The following PTPRE variants were observed in gnomAD, a reference collection of about 807,000 sequenced individuals.
The protein encoded by PTPRE is receptor-type tyrosine-protein phosphatase epsilon.
Under a neutral mutation model 102.0 loss-of-function variants are expected in PTPRE, and 51 were observed. The ratio of observed to expected loss-of-function variants is 0.50; its 90% CI spans 0.40 to 0.63. The LOEUF is 0.63. Among genes scored for constraint, PTPRE ranks in the 30% least tolerant of loss-of-function variants. The probability of loss-of-function intolerance (pLI) is 0.00; values close to 1 mark genes in which losing one functional copy is unlikely to be tolerated. For missense variants in PTPRE, 752 were observed against 915.1 expected, an observed-to-expected ratio of 0.82 and a Z score of 2.30; for synonymous variants, 345 against 348.2, an observed-to-expected ratio of 0.99 and a Z score of 0.10.
In PTPRE at chr10:127,982,315, A is replaced by T; in HGVS notation, c.-8+19A>T. The T allele has an allele frequency of 8.2e-7, 1 of 1,218,328 alleles. No homozygotes were observed. Among genetic ancestry groups the T allele is most frequent in the South Asian group, 1.3e-5 (1 of 76,002 alleles). 75.5% of individuals were successfully genotyped at this position (1,218,328 alleles called of 1,614,324 possible). A position where few individuals can be genotyped will look rare whatever the true frequency, so the allele number is the denominator to read the frequency against. ...TCCCTCGGTGAGTACAAAACTTTTT[A>T]AAAATTATTTTTGATGTACAGATAA... On this transcript the variant is annotated intron_variant, in intron 2 of 20. Coordinates refer to ENST00000254667, the MANE Select transcript of PTPRE (RefSeq NM_006504.6).
intron 6 of PTPRE, among the ~76,000 whole-genome samples, chr10:128,053,920 C>G (rs1848746864): frequency 6.6e-6 from 1 of 152,038 alleles, no homozygotes; most frequent in African/African-American, 2.4e-5. Context: ...ACCACCATGC[C>G]CAGCTAATTT....
rs192594626 is a variant in PTPRE, at chr10:128,080,267, G to A, written c.2028+572G>A. Among the ~76,000 whole-genome samples the A allele has an allele frequency of 6.7e-4, 102 of 151,850 alleles. 1 individual carries two copies. In the Middle Eastern group the frequency reaches 0.01, roughly 15 times the overall value. On this transcript the variant is annotated intron_variant, in intron 20 of 20. Coordinates refer to ENST00000254667, the MANE Select transcript of PTPRE (RefSeq NM_006504.6). ...TCCTCCTCACCAAATACTATGGCTC[G>A]TGCTGCTAACCCAGCGAGTACAATT...
At chr10:127,986,318 C>T (rs766577613) in intron 2 of PTPRE, among the ~76,000 whole-genome samples, 9 of 152,104 alleles carry the variant, frequency 5.9e-5, no homozygotes, top group South Asian at 2.1e-4. Context: ...GTGGGTCTCT[C>T]GCATAGTATT....
Position 128,005,492 on chromosome 10 carries a change from A to T in PTPRE, c.-8+23196A>T, listed in dbSNP as rs55820682. ...TCTGTCTTCCCCATCTTCACTGGTG[A>T]TACTCGGCCTCCTATTTATACTAAT... is the stretch of plus-strand genomic sequence containing the variant. On this transcript the variant is annotated intron_variant, in intron 2 of 20. Transcript: ENST00000254667. 2.6e-3 allele frequency among the ~76,000 whole-genome samples: 403 copies of T among 152,368 alleles called. 2 individuals carry two copies. Among genetic ancestry groups the T allele is most frequent in the African/African-American group, 9.3e-3 (385 of 41,582 alleles).
chr10:128,013,260 G>A (rs958925721), intron 2 of PTPRE, among the ~76,000 whole-genome samples: 4 of 152,176 alleles, frequency 2.6e-5, no homozygotes, highest in African/African-American at 9.7e-5. Context: ...TAGCTGGGTC[G>A]AGGGTGGCAA....
At chr10:127,988,304 CTT>C (rs57166500) in intron 2 of PTPRE, among the ~76,000 whole-genome samples, 26,882 of 123,446 alleles carry the variant, frequency 0.22, 2,394 homozygotes, top group East Asian at 0.34. Flanking sequence ...TTTTTCTTTT[CTT>C]TTTTTTTTTT....
intron 1 of PTPRE, among the ~76,000 whole-genome samples, chr10:127,930,736 T>C (rs1039111457): frequency 2.0e-5 from 3 of 152,214 alleles, no homozygotes; most frequent in African/African-American, 7.2e-5. Context: ...CACCAGCAGT[T>C]GCTCTGCATC....
chr10:128,069,687 C>G lies in PTPRE; in HGVS notation c.1008-5C>G, dbSNP rs1444800240. On this transcript the variant is annotated splice_polypyrimidine_tract_variant and splice_region_variant and intron_variant, in intron 12 of 20. Coordinates refer to ENST00000254667, the MANE Select transcript of PTPRE (RefSeq NM_006504.6). ...ACGACGCAGCATCTTTCTCTTTCCC[C>G]AAAGCGCGGGCGTGGGCCGGACGGG... 1 of 1,614,124 alleles carries G rather than the reference C, an allele frequency of 6.2e-7. No homozygotes were observed. The highest frequency in any genetic ancestry group is 2.2e-5 in the East Asian group (1 of 44,870).
At chr10:128,043,031 C>G (rs1199599028) in intron 3 of PTPRE, among the ~76,000 whole-genome samples, 1 of 152,042 alleles carries the variant, frequency 6.6e-6, no homozygotes, top group Non-Finnish European at 1.5e-5. Flanking sequence ...GGCAAAATAT[C>G]CCAGAGAAGA....
intron 10 of PTPRE, among the ~76,000 whole-genome samples, chr10:128,064,942 G>A (rs183848678): frequency 3.3e-4 from 51 of 152,322 alleles, no homozygotes; most frequent in Non-Finnish European, 5.9e-4. Context: ...CCAACACTGA[G>A]CCCTTGAGAG....
chr10:127,975,520 A>G (rs1023309689), intron 1 of PTPRE, among the ~76,000 whole-genome samples: 3 of 152,190 alleles, frequency 2.0e-5, no homozygotes, highest in Non-Finnish European at 4.4e-5. Context: ...TGTCAAGATC[A>G]TCACCAACCA....
At chr10:128,049,814 G>A in intron 6 of PTPRE, 148 bp downstream of exon 6, 1 of 1,148,892 alleles carries the variant, frequency 8.7e-7, no homozygotes, top group Non-Finnish European at 1.2e-6. Context: ...GAGGAAACCT[G>A]GTGTGTGGTG....
intron 16 of PTPRE, 65 bp from the exon 17 acceptor site, chr10:128,073,272 G>A: frequency 6.3e-7 from 1 of 1,597,018 alleles, no homozygotes; most frequent in Non-Finnish European, 8.5e-7. Context: ...CCTAAACTTA[G>A]GGAGCAGGTA....
intron 11 of PTPRE, among the ~76,000 whole-genome samples, chr10:128,066,945 C>T (rs1850166444): frequency 6.7e-6 from 1 of 148,820 alleles, no homozygotes; most frequent in African/African-American, 2.5e-5. Flanking sequence ...CACACATGCA[C>T]ATACACCCAC....
At chr10:127,952,752 A>T (rs1485967657) in intron 1 of PTPRE, among the ~76,000 whole-genome samples, 1 of 152,218 alleles carries the variant, frequency 6.6e-6, no homozygotes, top group Non-Finnish European at 1.5e-5. Flanking sequence ...TGTCATTAAA[A>T]GTCTCACTTT....
chr10:127,910,296 C>T (rs1845779816), intron 1 of PTPRE, among the ~76,000 whole-genome samples: 1 of 152,196 alleles, frequency 6.6e-6, no homozygotes, highest in African/African-American at 2.4e-5. Context: ...TCTCAGCCTC[C>T]TTCCCCTTTA....
intron 2 of PTPRE, among the ~76,000 whole-genome samples, chr10:127,992,346 C>A (rs1013959851): frequency 6.6e-6 from 1 of 152,102 alleles, no homozygotes; most frequent in Non-Finnish European, 1.5e-5. Flanking sequence ...AGTGGAGTCA[C>A]CTCTGCAAGG....
intron 7 of PTPRE, among the ~76,000 whole-genome samples, chr10:128,059,079 A>G (rs1260520723): frequency 6.6e-6 from 1 of 152,234 alleles, no homozygotes; most frequent in Non-Finnish European, 1.5e-5. Flanking sequence ...GAATAAAAAG[A>G]CAGGAAGCTC....
intron 2 of PTPRE, among the ~76,000 whole-genome samples, chr10:128,019,645 T>C (rs370099141): frequency 8.1e-6 from 1 of 123,232 alleles, no homozygotes; most frequent in Non-Finnish European, 1.9e-5. Flanking sequence ...ATTCATTCAT[T>C]CATTCATTCA....
Sources: allele counts gnomAD v4.1 joint callset (sites outside exome capture counted in the v4.1 genomes callset), GRCh38; gene constraint gnomAD v4.1.1; transcripts MANE v1.5; gene names NCBI Gene and HGNC (gene_info 2026-07-23, HGNC 2026-07-21).